Variants in NOS1 observed in about 807,000 individuals in gnomAD.
NOS1 encodes NOS type I.
In NOS1, 51 loss-of-function variants were observed where a neutral mutation model predicts 164.5. That is an observed-to-expected ratio of 0.31 (90% CI 0.25 to 0.39). The LOEUF is 0.39. NOS1 is among the 10% of genes least tolerant of loss of function. The pLI is 1.00. For synonymous variants in NOS1, 719 were observed against 745.8 expected (o/e 0.96, Z 0.59); for missense variants, 1,362 against 1,885.6 (o/e 0.72, Z 5.14).
rs1470536078 is a variant in NOS1 at position 117,218,121 on chromosome 12, C to T, written c.4214G>A (p.Arg1405Gln). ...AAGGCGGTTGGTCACTTCGTACGTTCGCAGGGTGACTCCAAAAATATCCTC... is the reference window on the plus strand; with the variant it reads ...AAGGCGGTTGGTCACTTCGTACGTTTGCAGGGTGACTCCAAAAATATCCTC... ...YHEDIFGVTL[R>Q]TYEVTNRLRS... The change falls in exon 28 of 29, where the codon CGA (arginine) becomes CAA (glutamine). Residue 1405 changes from arginine (R) to glutamine (Q), a missense_variant. This residue lies in a region of NOS1 where 737 missense variants were observed against 1,030.3 expected (regional missense o/e 0.72). Transcript: ENST00000317775. 1.2e-6 allele frequency: 2 copies of T among 1,614,000 alleles called. No individual in the cohort carries two copies. The highest frequency in any genetic ancestry group is 1.7e-6 in the Non-Finnish European group (2 of 1,180,004).
At position 117,209,892 on chromosome 12, in the gene NOS1, A is replaced by C. The variant is rs1160954341; in HGVS notation, c.*5417T>G. 6 of 985,400 alleles carry C rather than the reference A, an allele frequency of 6.1e-6. No individual in the cohort carries two copies. The highest frequency in any genetic ancestry group is 7.2e-6 in the Non-Finnish European group (6 of 829,984). The allele number at this position is 985,400 out of a possible 1,614,324, so 61.0% of individuals were successfully genotyped here. Reference sequence around the variant, plus strand: ...AGTCAAATCCCTGTTCATGGGGAACATCTATGTTGACTCCCTGGGAGGCAG... The same window carrying C: ...AGTCAAATCCCTGTTCATGGGGAACCTCTATGTTGACTCCCTGGGAGGCAG... On this transcript the variant is annotated 3_prime_UTR_variant, in exon 29 of 29. Coordinates refer to ENST00000317775, the MANE Select transcript of NOS1 (RefSeq NM_000620.5).
At position 117,278,297 on chromosome 12, in the gene NOS1, T is replaced by G. The variant is rs113960071; in HGVS notation, c.1525-199A>C. On this transcript the variant is annotated intron_variant, in intron 8 of 28. Transcript: ENST00000317775. ...ACCATGTATTAGGTTGGTGCAAAAG[T>G]AATTGCGGGTTTTGCCATTACTTTC... is the stretch of plus-strand genomic sequence containing the variant. 4.9e-4 allele frequency among the ~76,000 whole-genome samples: 74 copies of G among 152,358 alleles called. 1 individual carries two copies. Among genetic ancestry groups the G allele is most frequent in the African/African-American group, 1.6e-3 (67 of 41,594 alleles).
chr12:117,242,842 G>A (rs1347143949), intron 19 of NOS1, 137 bp from the exon 20 acceptor site: 17 of 722,486 alleles, frequency 2.4e-5, no homozygotes, highest in Non-Finnish European at 3.7e-5. Context: ...CTTGAGGCCA[G>A]GGGTTCAAGA....
chr12:117,263,995 C>T (rs1176710567), intron 12 of NOS1, 21 bp from the exon 13 acceptor site: 1 of 1,604,836 alleles, frequency 6.2e-7, no homozygotes, highest in Non-Finnish European at 8.5e-7. Flanking sequence ...AAGGAGAGGG[C>T]TATGGTCACT....
intron 1 of NOS1, among the ~76,000 whole-genome samples, chr12:117,342,120 TC>T (rs1876140592): frequency 6.6e-6 from 1 of 152,266 alleles, no homozygotes; most frequent in East Asian, 1.9e-4. Context: ...ACTTTTTTTT[TC>T]CTCCCTCCCT....
chr12:117,324,715 C>CTAAATAAATAAATAAA (rs56906790), intron 2 of NOS1, among the ~76,000 whole-genome samples: 3,458 of 149,308 alleles, frequency 0.023, 84 homozygotes, highest in African/African-American at 0.048. Flanking sequence ...GACTCTGTCT[C>CTAAATAAATAAATAAA]TAAATAAATA....
chr12:117,313,489 T>C (rs2136057200), intron 2 of NOS1, among the ~76,000 whole-genome samples: 1 of 152,188 alleles, frequency 6.6e-6, no homozygotes, highest in Middle Eastern at 3.4e-3. Flanking sequence ...AGAGACAGGG[T>C]CTCACTGTGT....
In NOS1 at chr12:117,214,632, C is replaced by T. The variant is rs777138089; in HGVS notation, c.*677G>A. 104 of 985,286 alleles carry T rather than the reference C, an allele frequency of 1.1e-4. No homozygotes were observed. The highest frequency in any genetic ancestry group is 1.2e-4 in the Non-Finnish European group (102 of 829,946). The allele number at this position is 985,286 out of a possible 1,614,324, so 61.0% of individuals were successfully genotyped here. A position where few individuals can be genotyped will look rare whatever the true frequency, so the allele number is the denominator to read the frequency against. ...TCAATTTCCCACTCCTCTCCCCATGCCCTGAACCCTTTCTAACTAGAACAA... is the reference window on the plus strand; with the variant it reads ...TCAATTTCCCACTCCTCTCCCCATGTCCTGAACCCTTTCTAACTAGAACAA... On this transcript the variant is annotated 3_prime_UTR_variant, in exon 29 of 29. Transcript: ENST00000317775.
chr12:117,240,816 G>A (rs549505950), intron 20 of NOS1, among the ~76,000 whole-genome samples: 4 of 152,320 alleles, frequency 2.6e-5, no homozygotes, highest in African/African-American at 9.6e-5. Flanking sequence ...CTAGTGTGTG[G>A]CAGAGCTGGG....
chr12:117,273,342 A>ACATTT (rs1417159756), intron 9 of NOS1, among the ~76,000 whole-genome samples: 1 of 152,178 alleles, frequency 6.6e-6, no homozygotes, highest in African/African-American at 2.4e-5. Flanking sequence ...AATATAGGCT[A>ACATTT]CATTTCACCA....
intron 1 of NOS1, among the ~76,000 whole-genome samples, chr12:117,360,191 T>C (rs1284784933): frequency 6.6e-6 from 1 of 151,638 alleles, no homozygotes; most frequent in Non-Finnish European, 1.5e-5. Context: ...GCCTCTCCTC[T>C]CTAGATGTCT....
chr12:117,276,645 G>C (rs117999565), intron 9 of NOS1, among the ~76,000 whole-genome samples: 3,020 of 149,212 alleles, frequency 0.02, 50 homozygotes, highest in Non-Finnish European at 0.031. Flanking sequence ...CCCCTTCCCA[G>C]CCTCTGGTAA....
intron 1 of NOS1, among the ~76,000 whole-genome samples, chr12:117,342,541 T>C (rs1245278221): frequency 3.3e-5 from 5 of 151,956 alleles, no homozygotes; most frequent in Non-Finnish European, 5.9e-5. Flanking sequence ...TGTGGTAGGA[T>C]GGAGCTGGCA....
chr12:117,311,514 C>A lies in NOS1; in HGVS notation c.804G>T (p.Lys268Asn), dbSNP rs201396150. 9.9e-6 allele frequency: 16 copies of A among 1,612,562 alleles called. No individual in the cohort carries two copies. Among genetic ancestry groups the A allele is most frequent in the Non-Finnish European group, 1.3e-5 (15 of 1,179,486 alleles). The change falls in exon 3 of 29, where the codon AAG becomes AAT. Residue 268 changes from lysine (K) to asparagine (N), a missense_variant. By Grantham distance (94) the Lys-to-Asn change is moderately conservative (BLOSUM62 0). Transcript: ENST00000317775. ...TGTTGAGGACGACAGGCACATTGCCCTTCCCCCATAGGTCATTGAAGACTC... is the reference window on the plus strand; with the variant it reads ...TGTTGAGGACGACAGGCACATTGCCATTCCCCCATAGGTCATTGAAGACTC... The part of the protein sequence containing the change: ...NDRVFNDLWG[K>N]GNVPVVLNNP...
chr12:117,255,657 T>G (rs1187047437), intron 16 of NOS1, among the ~76,000 whole-genome samples: 1 of 152,134 alleles, frequency 6.6e-6, no homozygotes, highest in African/African-American at 2.4e-5. Context: ...GTTGGAGGTT[T>G]TTTCAAATGC....
chr12:117,229,102 C>T (rs550600923), intron 22 of NOS1, among the ~76,000 whole-genome samples: 3 of 152,242 alleles, frequency 2.0e-5, no homozygotes, highest in South Asian at 2.1e-4. Flanking sequence ...TATTAATAGG[C>T]GATGGCATCC....
chr12:117,334,680 C>A (rs1875721437), intron 1 of NOS1, among the ~76,000 whole-genome samples: 1 of 152,164 alleles, frequency 6.6e-6, no homozygotes, highest in African/African-American at 2.4e-5. Flanking sequence ...CAGGCGTGAG[C>A]CATTGCACCT....
rs554241709 is a variant in NOS1 at position 117,349,454 on chromosome 12, CTTCTT to C, written c.-421+12053_-421+12057del. Among the ~76,000 whole-genome samples, 65 of 152,308 alleles carry C rather than the reference CTTCTT, an allele frequency of 4.3e-4. 1 individual carries two copies. Among genetic ancestry groups the C allele is most frequent in the African/African-American group, 1.4e-3 (60 of 41,558 alleles). ...ACATGGGAAAGTTTTTGTTTGAATA[CTTCTT>C]TTCAATTCTTAAGAAGTACAAGGTT... On this transcript the variant is annotated intron_variant, in intron 1 of 28. Coordinates refer to ENST00000317775, the MANE Select transcript of NOS1 (RefSeq NM_000620.5).
In NOS1 at chr12:117,212,591, CT is replaced by C; in HGVS notation, c.*2717del. On this transcript the variant is annotated 3_prime_UTR_variant, in exon 29 of 29. Coordinates refer to ENST00000317775, the MANE Select transcript of NOS1 (RefSeq NM_000620.5). ...GTCTCATTCCTCCTGGCCAAACTCA[CT>C]TTTGTGAAATGGGGCTGGAGCTGCT... The C allele has an allele frequency of 1.0e-6, 1 of 985,468 alleles. No homozygotes were observed. The highest frequency in any genetic ancestry group is 1.2e-6 in the Non-Finnish European group (1 of 829,940). 61.0% of individuals were successfully genotyped at this position (985,468 alleles called of 1,614,324 possible).
Sources: gnomAD v4.1 joint callset for allele counts (sites outside exome capture counted in the v4.1 genomes callset) on GRCh38, gnomAD v4.1.1 for gene constraint, gnomAD v4.1.1 regional missense constraint, MANE v1.5 for transcripts, NCBI Gene and HGNC (gene_info 2026-07-23, HGNC 2026-07-21) for gene names.